The following CFAP70 variants were observed in gnomAD, a reference collection of about 807,000 sequenced individuals.
CFAP70 encodes cilia and flagella associated protein 70, also known as cilia- and flagella-associated protein 70.
A neutral mutation model predicts 137.6 loss-of-function variants in CFAP70; 81 were observed. The observed-to-expected ratio is 0.59, with a 90% CI of 0.49 to 0.71. The LOEUF (loss-of-function observed/expected upper bound fraction) is 0.71, where lower values mean the gene tolerates loss of function less well. Among genes scored for constraint, CFAP70 ranks in the 30% least tolerant of loss-of-function variants. The pLI is 0.00. For synonymous variants in CFAP70, 382 were observed against 423.6 expected (o/e 0.90, Z 1.20); for missense variants, 976 against 1,226.7 (o/e 0.80, Z 3.05).
chr10:73,278,663 T>C (rs1370641516), intron 19 of CFAP70, among the ~76,000 whole-genome samples: 4 of 152,144 alleles, frequency 2.6e-5, no homozygotes, highest in African/African-American at 9.7e-5. Context: ...TTTGCAAGGA[T>C]ACGTTTGTTT....
At chr10:73,286,499 G>T (rs1292704395) in intron 19 of CFAP70, among the ~76,000 whole-genome samples, 1 of 152,088 alleles carries the variant, frequency 6.6e-6, no homozygotes, top group Non-Finnish European at 1.5e-5. Flanking sequence ...AACTAAATTA[G>T]TTTACCAACA....
At chr10:73,312,319 A>T (rs1053002556) in intron 10 of CFAP70, among the ~76,000 whole-genome samples, 154 bp downstream of exon 11, 1 of 152,194 alleles carries the variant, frequency 6.6e-6, no homozygotes, top group Non-Finnish European at 1.5e-5. Flanking sequence ...TACCTATGTA[A>T]CAAACCTGCA....
chr10:73,263,583 G>C (rs923564935), intron 25 of CFAP70, among the ~76,000 whole-genome samples: 3 of 152,086 alleles, frequency 2.0e-5, no homozygotes, highest in African/African-American at 7.2e-5. Flanking sequence ...ATCAGGTTAT[G>C]AACTTTTAAC....
At chr10:73,331,722 A>C (rs1270867586) in intron 7 of CFAP70, among the ~76,000 whole-genome samples, 1 of 152,144 alleles carries the variant, frequency 6.6e-6, no homozygotes, top group Non-Finnish European at 1.5e-5. Context: ...GGTTTTTAAA[A>C]CTTTCCCAAA....
At chr10:73,291,964 G>C in exon 17 of CFAP70, 1 of 1,614,180 alleles carries the variant, frequency 6.2e-7, no homozygotes, top group Non-Finnish European at 8.5e-7. Context: ...GGAGGCAGAA[G>C]GCACCATAGT....
chr10:73,259,126 G>A (rs865991093), intron 25 of CFAP70, among the ~76,000 whole-genome samples: 85 of 152,062 alleles, frequency 5.6e-4, no homozygotes, highest in African/African-American at 1.8e-3. Flanking sequence ...GGGGCATCAC[G>A]GAACCTGCCG....
At chr10:73,274,500 A>G (rs1372866062) in exon 23 of CFAP70, 1 of 1,614,198 alleles carries the variant, frequency 6.2e-7, no homozygotes, top group South Asian at 1.1e-5. Context: ...AGCATCCACT[A>G]CAAAGCTAAT....
At chr10:73,272,828 G>A in intron 24 of CFAP70, 100 bp downstream of exon 25, 1 of 1,011,372 alleles carries the variant, frequency 9.9e-7, no homozygotes, top group Non-Finnish European at 1.5e-6. Context: ...AGCCCTGATT[G>A]CTATTCCAAT....
At chr10:73,336,567 T>TTA in intron 6 of CFAP70, among the ~76,000 whole-genome samples, 1 of 151,520 alleles carries the variant, frequency 6.6e-6, no homozygotes, top group Admixed American at 6.6e-5. Flanking sequence ...TGCAAGTGTG[T>TTA]TATACTATTT....
chr10:73,311,102 A>G (rs749698994), intron 11 of CFAP70, among the ~76,000 whole-genome samples: 8 of 152,224 alleles, frequency 5.3e-5, no homozygotes, highest in Admixed American at 3.9e-4. Context: ...CAGCTATACA[A>G]TGAAGTCCAA....
chr10:73,337,496 A>G (rs547238361), intron 6 of CFAP70, among the ~76,000 whole-genome samples: 4 of 152,262 alleles, frequency 2.6e-5, no homozygotes, highest in Admixed American at 2.6e-4. Context: ...ACAAACAAAC[A>G]AAAACATTAA....
chr10:73,256,090 A>T (rs1164464147), intron 26 of CFAP70, among the ~76,000 whole-genome samples: 1 of 152,212 alleles, frequency 6.6e-6, no homozygotes, highest in Non-Finnish European at 1.5e-5. Flanking sequence ...CAGTAAGTTA[A>T]TGGCAAAACC....
intron 6 of CFAP70, among the ~76,000 whole-genome samples, chr10:73,339,919 G>A (rs2053089383): frequency 6.6e-6 from 1 of 152,216 alleles, no homozygotes; most frequent in African/African-American, 2.4e-5. Context: ...GATGAGCAAG[G>A]GACATGTTTC....
At chr10:73,338,025 C>T (rs1179965584) in intron 6 of CFAP70, among the ~76,000 whole-genome samples, 2 of 152,096 alleles carry the variant, frequency 1.3e-5, no homozygotes, top group Non-Finnish European at 2.9e-5. Flanking sequence ...GTTTTGCCAT[C>T]ATGAATAGAC....
chr10:73,319,725 G>A (rs1027016806), intron 9 of CFAP70, among the ~76,000 whole-genome samples: 1 of 152,140 alleles, frequency 6.6e-6, no homozygotes, highest in African/African-American at 2.4e-5. Flanking sequence ...ACTGTACCAG[G>A]TGAGCAAACA....
intron 1 of CFAP70, among the ~76,000 whole-genome samples, chr10:73,358,494 G>C (rs1052058242): frequency 6.6e-5 from 10 of 152,226 alleles, no homozygotes; most frequent in African/African-American, 2.4e-4. Context: ...AGCGGTAAAG[G>C]AAGGTCTACG....
intron 5 of CFAP70, among the ~76,000 whole-genome samples, chr10:73,344,389 A>G (rs1307197362): frequency 6.6e-6 from 1 of 152,232 alleles, no homozygotes; most frequent in Non-Finnish European, 1.5e-5. Context: ...AAAGTTGGAG[A>G]GAGGGCAATG....
intron 10 of CFAP70, 27 bp downstream of exon 11, chr10:73,312,446 A>G: frequency 6.5e-7 from 1 of 1,537,596 alleles, no homozygotes; most frequent in East Asian, 2.3e-5. Flanking sequence ...TCTAAGAGGC[A>G]AAATCATCAC....
At chr10:73,293,384 A>G in exon 16 of CFAP70, 1 of 1,596,122 alleles carries the variant, frequency 6.3e-7, no homozygotes. Flanking sequence ...ATCATCTGGC[A>G]TGGTCTTGTC....
Sources: gnomAD v4.1 joint callset for allele counts (sites outside exome capture counted in the v4.1 genomes callset) on GRCh38, gnomAD v4.1.1 for gene constraint, MANE v1.5 for transcripts, NCBI Gene and HGNC (gene_info 2026-07-23, HGNC 2026-07-21) for gene names.